GPC5: variants seen among roughly 807,000 people sequenced by gnomAD.
GPC5 encodes glypican-5.
GPC5 carries 47 observed loss-of-function variants against 53.9 expected under a neutral mutation model. The observed-to-expected ratio is 0.87, with a 90% CI of 0.69 to 1.11. The LOEUF is 1.11. GPC5 is among the 50% of genes most tolerant of loss of function. The pLI is 0.00. For missense variants in GPC5, 748 were observed against 713.1 expected (o/e 1.05, Z -0.56); for synonymous variants, 286 against 263.3 (o/e 1.09, Z -0.84).
At chr13:92,172,647 T>C (rs1402110789) in intron 7 of GPC5, among the ~76,000 whole-genome samples, 1 of 152,132 alleles carries the variant, frequency 6.6e-6, no homozygotes, top group African/African-American at 2.4e-5. Context: ...ATTTAACTTA[T>C]GTGTCACCTT....
intron 2 of GPC5, among the ~76,000 whole-genome samples, chr13:91,592,013 C>CT (rs2032818232): frequency 1.3e-5 from 2 of 152,180 alleles, no homozygotes; most frequent in African/African-American, 4.8e-5. Flanking sequence ...GGGATACTTG[C>CT]TTTTTAAATT....
Position 92,791,601 on chromosome 13 carries a change from A to G in GPC5, c.1562-74681A>G, listed in dbSNP as rs138208629. ...TTACCAAGTGGTACCTATTCTACAC[A>G]AAACAGTAATAACATACTCCTCCTA... On this transcript the variant is annotated intron_variant, in intron 7 of 7. Coordinates refer to ENST00000377067, the MANE Select transcript of GPC5 (RefSeq NM_004466.6). Among the ~76,000 whole-genome samples the G allele has an allele frequency of 8.5e-3, 1,293 of 152,220 alleles. 19 individuals carry two copies. Among genetic ancestry groups the G allele is most frequent in the African/African-American group, 0.03 (1,240 of 41,552 alleles).
chr13:92,491,658 C>G (rs991830956), intron 7 of GPC5, among the ~76,000 whole-genome samples: 2 of 152,056 alleles, frequency 1.3e-5, no homozygotes, highest in Non-Finnish European at 2.9e-5. Flanking sequence ...TTATCCACTT[C>G]AGCATTTTGC....
At chr13:92,666,477 T>TA (rs1232868786) in intron 7 of GPC5, among the ~76,000 whole-genome samples, 2 of 151,846 alleles carry the variant, frequency 1.3e-5, no homozygotes, top group Admixed American at 6.6e-5. Context: ...TTGTTCTAAT[T>TA]AAAAAAATGC....
chr13:92,070,516 A>C (rs540109935), intron 6 of GPC5, among the ~76,000 whole-genome samples: 8 of 152,334 alleles, frequency 5.3e-5, no homozygotes, highest in African/African-American at 1.9e-4. Context: ...AATTAGCACC[A>C]CTTTTTAAAA....
At chr13:91,965,086 G>A (rs1157179084) in intron 6 of GPC5, among the ~76,000 whole-genome samples, 1 of 117,570 alleles carries the variant, frequency 8.5e-6, no homozygotes, top group Non-Finnish European at 1.7e-5. Flanking sequence ...CCTGTCATGG[G>A]GTGGGGGGAG....
Position 92,528,798 on chromosome 13 carries a change from A to G in GPC5, c.1562-337484A>G, listed in dbSNP as rs1443685462. 3.3e-5 allele frequency among the ~76,000 whole-genome samples: 5 copies of G among 151,952 alleles called. No homozygotes were observed. In the East Asian group the frequency reaches 5.8e-4, roughly 18 times the overall value. On this transcript the variant is annotated intron_variant, in intron 7 of 7. Coordinates refer to ENST00000377067, the MANE Select transcript of GPC5 (RefSeq NM_004466.6). ...TTAGTAGTGCTTTAAATATGTCATT[A>G]AAATAATTCTTTCTTAATAGGGTAC...
chr13:92,849,884 G>T (rs1396135145), intron 7 of GPC5, among the ~76,000 whole-genome samples: 1 of 152,172 alleles, frequency 6.6e-6, no homozygotes, highest in African/African-American at 2.4e-5. Context: ...TGATCATCAA[G>T]AATAATTAGT....
intron 7 of GPC5, among the ~76,000 whole-genome samples, chr13:92,777,815 C>T (rs1442549825): frequency 6.6e-6 from 1 of 152,172 alleles, no homozygotes; most frequent in Non-Finnish European, 1.5e-5. Context: ...TAATTTATGG[C>T]CTGCCTCTAT....
At chr13:92,688,153 CT>C (rs1315934923) in intron 7 of GPC5, among the ~76,000 whole-genome samples, 1 of 30,898 alleles carries the variant, frequency 3.2e-5, no homozygotes, top group Non-Finnish European at 4.8e-5. Flanking sequence ...CCAGTTCCTC[CT>C]TGTACCTCTG....
intron 2 of GPC5, among the ~76,000 whole-genome samples, chr13:91,603,804 C>T (rs7985305): frequency 1.3e-5 from 2 of 152,120 alleles, no homozygotes; most frequent in African/African-American, 4.8e-5. Context: ...GATATAAATA[C>T]ATAGATAAAG....
At chr13:92,351,890 G>T (rs1370582395) in intron 7 of GPC5, among the ~76,000 whole-genome samples, 2 of 152,136 alleles carry the variant, frequency 1.3e-5, no homozygotes, top group Non-Finnish European at 2.9e-5. Context: ...GTGAAATAAT[G>T]ATTCTTTCTA....
intron 7 of GPC5, among the ~76,000 whole-genome samples, chr13:92,293,682 G>T (rs1459615475): frequency 1.3e-5 from 2 of 151,968 alleles, no homozygotes; most frequent in African/African-American, 2.4e-5. Context: ...TGGATGCGCT[G>T]TATTTCTTTC....
chr13:92,273,065 T>C (rs2042851464), intron 7 of GPC5, among the ~76,000 whole-genome samples: 1 of 152,146 alleles, frequency 6.6e-6, no homozygotes, highest in Admixed American at 6.5e-5. Flanking sequence ...TTGGTGGTAA[T>C]TTACTTGAAA....
chr13:91,700,546 A>G (rs540748497), intron 3 of GPC5, among the ~76,000 whole-genome samples: 90 of 152,306 alleles, frequency 5.9e-4, no homozygotes, highest in South Asian at 1.5e-3. Flanking sequence ...AAGTTGCTGG[A>G]AAGTTTATCC....
intron 6 of GPC5, among the ~76,000 whole-genome samples, chr13:92,005,102 A>G (rs1477254990): frequency 6.6e-6 from 1 of 152,156 alleles, no homozygotes; most frequent in Non-Finnish European, 1.5e-5. Context: ...GCATCCTTCA[A>G]TCCAATCAAC....
At chr13:92,368,657 A>C (rs968963673) in intron 7 of GPC5, among the ~76,000 whole-genome samples, 12 of 151,564 alleles carry the variant, frequency 7.9e-5, no homozygotes, top group African/African-American at 2.4e-4. Context: ...AAAAAAAAAA[A>C]AAACCTGAAA....
At chr13:91,895,421 C>G (rs1369550665) in intron 5 of GPC5, among the ~76,000 whole-genome samples, 1 of 152,150 alleles carries the variant, frequency 6.6e-6, no homozygotes, top group Non-Finnish European at 1.5e-5. Context: ...GAGATAATTA[C>G]CCTTGACTAC....
chr13:92,153,757 T>C (rs1443725638), intron 7 of GPC5, among the ~76,000 whole-genome samples: 1 of 152,228 alleles, frequency 6.6e-6, no homozygotes, highest in Non-Finnish European at 1.5e-5. Context: ...CTGCTCCCCA[T>C]CTTTGTAGAC....
Sources: gnomAD v4.1 joint callset for allele counts (sites outside exome capture counted in the v4.1 genomes callset) on GRCh38, gnomAD v4.1.1 for gene constraint, MANE v1.5 for transcripts, NCBI Gene and HGNC (gene_info 2026-07-23, HGNC 2026-07-21) for gene names.